AIF1L: variants seen among roughly 807,000 people sequenced by gnomAD.
AIF1L encodes allograft inflammatory factor 1 like.
A neutral mutation model predicts 20.7 loss-of-function variants in AIF1L; 12 were observed. The ratio of observed to expected loss-of-function variants is 0.58; its 90% CI spans 0.37 to 0.94. AIF1L has a LOEUF of 0.94. Ranked by LOEUF, AIF1L falls within the 40% of genes least tolerant of loss-of-function variation. The pLI is 0.01. For synonymous variants in AIF1L, 76 were observed against 65.1 expected, an observed-to-expected ratio of 1.17 and a Z score of -0.81; for missense variants, 173 against 185.3, an observed-to-expected ratio of 0.93 and a Z score of 0.39.
rs747498844 is a variant in AIF1L at position 131,117,905 on chromosome 9, G to T, written c.352G>T (p.Ala118Ser). The T allele has an allele frequency of 6.2e-7, 1 of 1,611,132 alleles. No homozygotes were observed. The highest frequency in any genetic ancestry group is 2.2e-5 in the East Asian group (1 of 44,840). Residue 118 changes from alanine to serine, a missense_variant, in exon 5 of 6, where the codon GCT becomes TCT. Physicochemically the swap from Ala to Ser is moderately conservative, Grantham distance 99. Coordinates refer to ENST00000247291, the MANE Select transcript of AIF1L (RefSeq NM_031426.4). ...GAACATGATGCTGGGGAAACGGTCGGCTGTCCTCAAGTTGTGAGTACCTCC... is the reference window on the plus strand; with the variant it reads ...GAACATGATGCTGGGGAAACGGTCGTCTGTCCTCAAGTTGTGAGTACCTCC... ...FVNMMLGKRS[A>S]VLKLVMMFEG...
chr9:131,102,654 G>A (rs551380093), intron 2 of AIF1L, among the ~76,000 whole-genome samples: 21 of 152,352 alleles, frequency 1.4e-4, no homozygotes, highest in African/African-American at 4.8e-4. Flanking sequence ...ATCTGTTGGC[G>A]AGGATGCGGC....
At chr9:131,117,266 CAG>C (rs939892174) in intron 4 of AIF1L, among the ~76,000 whole-genome samples, 45 of 152,328 alleles carry the variant, frequency 3.0e-4, no homozygotes, top group African/African-American at 1.0e-3. Flanking sequence ...CGGCACCCAG[CAG>C]AGTTACTTTC....
In AIF1L at chr9:131,120,738, C is replaced by T. The variant is rs922980915; in HGVS notation, c.*416C>T. 9 of 312,358 alleles carry T rather than the reference C, an allele frequency of 2.9e-5. No homozygotes were observed. The highest frequency in any genetic ancestry group is 5.3e-5 in the Non-Finnish European group (9 of 170,576). 19.3% of individuals were successfully genotyped at this position (312,358 alleles called of 1,614,324 possible). On this transcript the variant is annotated 3_prime_UTR_variant, in exon 6 of 6. Transcript: ENST00000247291. ...AGGACCCCAGGCCACTCTGAGAAGACCTTGGAGTAGGGACAAGGCTGCAGG... is the reference window on the plus strand; with the variant it reads ...AGGACCCCAGGCCACTCTGAGAAGATCTTGGAGTAGGGACAAGGCTGCAGG...
chr9:131,096,958 T>G (rs1294389475), intron 2 of AIF1L, 95 bp downstream of exon 2: 1 of 1,315,412 alleles, frequency 7.6e-7, no homozygotes, highest in East Asian at 3.1e-5. Context: ...CCTCCAGATC[T>G]ACCCTCTTCC....
chr9:131,115,487 G>A (rs1830991137), intron 4 of AIF1L, among the ~76,000 whole-genome samples: 1 of 145,476 alleles, frequency 6.9e-6, no homozygotes, highest in East Asian at 2.0e-4. Flanking sequence ...AAAAAGAAAG[G>A]TGAAATGACT....
intron 2 of AIF1L, chr9:131,108,017 G>A (rs558149335): frequency 1.2e-4 from 18 of 152,302 alleles, no homozygotes; most frequent in African/African-American, 3.4e-4. Context: ...AGGATCCAGC[G>A]TCAGCTAAGT....
chr9:131,106,609 C>T (rs1313813901), intron 2 of AIF1L, among the ~76,000 whole-genome samples: 4 of 151,782 alleles, frequency 2.6e-5, no homozygotes, highest in Non-Finnish European at 5.9e-5. Context: ...AGAGGGAGAC[C>T]CCATCTCTAC....
At chr9:131,103,396 TC>T (rs1830679993) in intron 2 of AIF1L, among the ~76,000 whole-genome samples, 1 of 151,828 alleles carries the variant, frequency 6.6e-6, no homozygotes, top group South Asian at 2.1e-4. Flanking sequence ...TCCCTGCCCT[TC>T]CCCCGCACAC....
chr9:131,120,352 ACC>A lies in AIF1L; in HGVS notation c.*33_*34del. On this transcript the variant is annotated 3_prime_UTR_variant, in exon 6 of 6. Transcript: ENST00000247291. ...CCCGCCTGGACTCCCCAGCCTTCCC[ACC>A]CCATACCTCCCTCCCGATCTTGCTG... is the stretch of plus-strand genomic sequence containing the variant. 1 of 1,323,102 alleles carries A rather than the reference ACC, an allele frequency of 7.6e-7. No homozygotes were observed. Among genetic ancestry groups the A allele is most frequent in the Non-Finnish European group, 1.0e-6 (1 of 986,438 alleles). The allele number at this position is 1,323,102 out of a possible 1,614,324, so 82.0% of individuals were successfully genotyped here. A position where few individuals can be genotyped will look rare whatever the true frequency, so the allele number is the denominator to read the frequency against.
rs5900921 is a variant in AIF1L at position 131,104,897 on chromosome 9, CA to C, written c.94-6684del. On this transcript the variant is annotated intron_variant, in intron 2 of 5. Coordinates refer to ENST00000247291, the MANE Select transcript of AIF1L (RefSeq NM_031426.4). ...TGGGCAACAGAGCGAGACTCTGTCT[CA>C]AAAAAAAAAAAAAAATTCATGCAGC... Among the ~76,000 whole-genome samples, 585 of 112,556 alleles carry C rather than the reference CA, an allele frequency of 5.2e-3. 1 individual carries two copies. The highest frequency in any genetic ancestry group is 7.1e-3 in the African/African-American group (214 of 30,320). The allele number at this position is 112,556 out of a possible 152,430, so 73.8% of individuals were successfully genotyped here.
At chr9:131,107,557 T>C (rs976202077) in intron 2 of AIF1L, among the ~76,000 whole-genome samples, 2 of 152,320 alleles carry the variant, frequency 1.3e-5, no homozygotes, top group South Asian at 2.1e-4. Context: ...AAATGCAGGG[T>C]CACTGTGGTG....
At chr9:131,111,968 GC>G (rs1269108683) in intron 3 of AIF1L, 2 of 419,748 alleles carry the variant, frequency 4.8e-6, no homozygotes, top group Non-Finnish European at 8.8e-6. Context: ...CGCTGCCCAG[GC>G]CCCGTCACTC....
chr9:131,114,337 A>G lies in AIF1L; in HGVS notation c.161-240A>G, dbSNP rs1588111187. On this transcript the variant is annotated intron_variant, in intron 3 of 5. Transcript: ENST00000247291. The stretch of plus-strand genomic sequence containing the variant: ...GCTGCCCTCCTGGTAAGAGGGTCAG[A>G]GTGGCCCCCAGCCATCTTTCCCTCG... The G allele has an allele frequency of 9.9e-6, 5 of 506,312 alleles. No homozygotes were observed. The East Asian group carries it at 1.4e-4, about 14-fold the overall frequency. The allele number at this position is 506,312 out of a possible 1,614,324, so 31.4% of individuals were successfully genotyped here.
chr9:131,111,523 C>T (rs1830883717), intron 2 of AIF1L, 74 bp from the exon 3 acceptor site: 1 of 1,396,614 alleles, frequency 7.2e-7, no homozygotes. Flanking sequence ...GGGAAGGCCC[C>T]CGGACAGTGG....
chr9:131,121,222 A>T lies in AIF1L; in HGVS notation c.*900A>T. 1.5e-6 allele frequency: 1 copy of T among 661,508 alleles called. No individual in the cohort carries two copies. Among genetic ancestry groups the T allele is most frequent in the Non-Finnish European group, 2.8e-6 (1 of 355,670 alleles). The allele number at this position is 661,508 out of a possible 1,614,324, so 41.0% of individuals were successfully genotyped here. On this transcript the variant is annotated 3_prime_UTR_variant, in exon 6 of 6. Transcript: ENST00000247291. ...AATACAAGGTTGCTTGTCTGACCCC[A>T]ATCTGCTTGAAACCTGACTCTGCTT...
rs1220329927 is a variant in AIF1L at position 131,096,839 on chromosome 9, G to T, written c.69G>T (p.Glu23Asp). 1 of 1,538,866 alleles carries T rather than the reference G, an allele frequency of 6.5e-7. No individual in the cohort carries two copies. The stretch of plus-strand genomic sequence containing the variant: ...TCGGCTTGCTCAAAGCCCGGCAGGA[G>T]AGGAGGCTGGCCGAGATCAACCGGG... ...KAFGLLKARQ[E>D]RRLAEINREF... Residue 23 changes from glutamate to aspartate, a missense_variant, in exon 2 of 6, where the codon GAG becomes GAT. Physicochemically the swap from Glu to Asp is conservative, Grantham distance 45. Coordinates refer to ENST00000247291, the MANE Select transcript of AIF1L (RefSeq NM_031426.4).
chr9:131,096,722 C>T (rs1830536243), intron 1 of AIF1L, 62 bp downstream of exon 1: 2 of 1,449,326 alleles, frequency 1.4e-6, no homozygotes, highest in Non-Finnish European at 1.8e-6. Context: ...GGGTCCACCG[C>T]GCGCGGGAAG....
chr9:131,111,563 T>C (rs753163034), intron 2 of AIF1L, 34 bp from the exon 3 acceptor site: 1 of 1,600,864 alleles, frequency 6.2e-7, no homozygotes, highest in Non-Finnish European at 8.6e-7. Context: ...CTGTCCCCAG[T>C]CCCTTGCTCA....
chr9:131,119,584 G>A lies in AIF1L; in HGVS notation c.366-651G>A, dbSNP rs147571167. ...AATAAGATTCACTTTTTTAAAGTAC[G>A]AATGTAAAATATACCTGTCTCATTT... On this transcript the variant is annotated intron_variant, in intron 5 of 5. Coordinates refer to ENST00000247291, the MANE Select transcript of AIF1L (RefSeq NM_031426.4). Among the ~76,000 whole-genome samples, 871 of 151,674 alleles carry A rather than the reference G, an allele frequency of 5.7e-3. 3 individuals are homozygous for A. Among genetic ancestry groups the A allele is most frequent in the South Asian group, 0.017 (80 of 4,820 alleles).
Sources: gnomAD v4.1 joint callset for allele counts (sites outside exome capture counted in the v4.1 genomes callset) on GRCh38, gnomAD v4.1.1 for gene constraint, MANE v1.5 for transcripts, NCBI Gene and HGNC (gene_info 2026-07-23, HGNC 2026-07-21) for gene names.